GAS2: variants seen among roughly 807,000 people sequenced by gnomAD.
GAS2 encodes the protein growth arrest-specific protein 2.
Under a neutral mutation model 37.5 loss-of-function variants are expected in GAS2, and 20 were observed. That is an observed-to-expected ratio of 0.53 (90% CI 0.37 to 0.77). GAS2 has a LOEUF of 0.77. Ranked by LOEUF, GAS2 falls within the 30% of genes least tolerant of loss-of-function variation. The pLI is 0.00. For missense variants in GAS2, 336 were observed against 373.4 expected (o/e 0.90, Z 0.82); for synonymous variants, 144 against 132.2 (o/e 1.09, Z -0.61).
chr11:22,636,543 A>G (rs921836006), intron 1 of GAS2, among the ~76,000 whole-genome samples: 8 of 152,140 alleles, frequency 5.3e-5, no homozygotes, highest in African/African-American at 1.7e-4. Context: ...AATCATGTTA[A>G]TTCAATCCCC....
At chr11:22,733,261 T>C (rs889807080) in intron 4 of GAS2, among the ~76,000 whole-genome samples, 8 of 151,760 alleles carry the variant, frequency 5.3e-5, no homozygotes, top group African/African-American at 1.9e-4. Context: ...TCTTCTACTA[T>C]ACCACTCTCC....
At position 22,626,931 on chromosome 11, in the gene GAS2, G is replaced by T. The variant is rs560247465; in HGVS notation, c.-21+1118G>T. On this transcript the variant is annotated intron_variant, in intron 1 of 5. Transcript: ENST00000528582. Reference sequence around the variant, plus strand: ...ATTTATTTATTTATTTTGAAACGGAGTCTCATTCTGTCGCCCAGGCGCGGC... The same window carrying T: ...ATTTATTTATTTATTTTGAAACGGATTCTCATTCTGTCGCCCAGGCGCGGC... 3.3e-5 allele frequency: 5 copies of T among 152,294 alleles called. No homozygotes were observed. The East Asian group carries it at 9.6e-4, about 29-fold the overall frequency. 9.4% of individuals were successfully genotyped at this position (152,294 alleles called of 1,614,324 possible).
At chr11:22,704,329 T>A (rs1445621972) in intron 3 of GAS2, among the ~76,000 whole-genome samples, 1 of 151,884 alleles carries the variant, frequency 6.6e-6, no homozygotes, top group African/African-American at 2.4e-5. Flanking sequence ...TATTTCAATA[T>A]TAAAAATCAA....
At chr11:22,628,975 T>C (rs1858705045) in intron 1 of GAS2, among the ~76,000 whole-genome samples, 1 of 151,024 alleles carries the variant, frequency 6.6e-6, no homozygotes. Flanking sequence ...TCATTCTTTT[T>C]ATGGCTGAGT....
chr11:22,746,011 CA>C (rs1255175817), intron 5 of GAS2, among the ~76,000 whole-genome samples: 1 of 151,834 alleles, frequency 6.6e-6, no homozygotes, highest in Non-Finnish European at 1.5e-5. Context: ...TCCACCTTTA[CA>C]AAAAAATACA....
At chr11:22,654,951 A>G (rs1315764043) in intron 1 of GAS2, among the ~76,000 whole-genome samples, 3 of 152,162 alleles carry the variant, frequency 2.0e-5, no homozygotes, top group African/African-American at 4.8e-5. Flanking sequence ...GCGATGCTTA[A>G]ACCTGAATTA....
chr11:22,782,663 G>A (rs1268487393), intron 7 of GAS2, among the ~76,000 whole-genome samples: 3 of 147,660 alleles, frequency 2.0e-5, no homozygotes, highest in East Asian at 4.0e-4. Flanking sequence ...AATACAGTAC[G>A]TTGTTTTCTA....
At chr11:22,629,658 G>GTT (rs975397916) in intron 1 of GAS2, among the ~76,000 whole-genome samples, 26 of 150,786 alleles carry the variant, frequency 1.7e-4, no homozygotes, top group Admixed American at 1.6e-3. Context: ...GGGATTATTG[G>GTT]TTTTTTTTTC....
intron 1 of GAS2, among the ~76,000 whole-genome samples, chr11:22,650,223 C>T (rs1347935651): frequency 1.3e-4 from 20 of 150,258 alleles, no homozygotes; most frequent in South Asian, 1.3e-3. Flanking sequence ...TGTAGTTGAG[C>T]GGTTTTGAGT....
intron 7 of GAS2, among the ~76,000 whole-genome samples, chr11:22,793,763 G>C (rs1856294022): frequency 6.6e-6 from 1 of 152,192 alleles, no homozygotes; most frequent in Non-Finnish European, 1.5e-5. Flanking sequence ...TATGATGGTT[G>C]TGTTTTGTGA....
At chr11:22,661,377 GTAT>G (rs1466862351) in intron 1 of GAS2, among the ~76,000 whole-genome samples, 1 of 151,850 alleles carries the variant, frequency 6.6e-6, no homozygotes, top group Non-Finnish European at 1.5e-5. Flanking sequence ...CTTAGGCTTG[GTAT>G]TGTGATAAAG....
At chr11:22,765,152 G>A (rs1201489367) in intron 7 of GAS2, among the ~76,000 whole-genome samples, 5 of 152,134 alleles carry the variant, frequency 3.3e-5, no homozygotes, top group African/African-American at 1.2e-4. Context: ...TTCCATATAT[G>A]TGTATTTTAT....
intron 7 of GAS2, among the ~76,000 whole-genome samples, chr11:22,786,137 A>AT (rs1217565314): frequency 6.6e-6 from 1 of 152,248 alleles, no homozygotes; most frequent in East Asian, 1.9e-4. Context: ...ATAGCTTAAA[A>AT]TGTTCTTAAT....
intron 3 of GAS2, 52 bp downstream of exon 3, chr11:22,685,841 A>T: frequency 6.4e-7 from 1 of 1,559,664 alleles, no homozygotes; most frequent in Non-Finnish European, 8.7e-7. Flanking sequence ...TACATTTATA[A>T]TTGCTTATAA....
intron 3 of GAS2, among the ~76,000 whole-genome samples, chr11:22,705,149 C>T (rs542027097): frequency 6.6e-6 from 1 of 152,220 alleles, no homozygotes; most frequent in South Asian, 2.1e-4. Context: ...GCTCTATATG[C>T]ACTGTTCCTT....
chr11:22,627,273 T>C (rs533957588), intron 1 of GAS2, among the ~76,000 whole-genome samples: 1 of 152,368 alleles, frequency 6.6e-6, no homozygotes, highest in South Asian at 2.1e-4. Context: ...TATTTATTCT[T>C]ATATTTAACA....
At chr11:22,725,592 AT>A (rs796934544) in intron 3 of GAS2, among the ~76,000 whole-genome samples, 6 of 151,996 alleles carry the variant, frequency 3.9e-5, no homozygotes, top group African/African-American at 1.4e-4. Flanking sequence ...TACCTGGCTA[AT>A]TTTTACTTTT....
intron 5 of GAS2, among the ~76,000 whole-genome samples, chr11:22,742,133 C>T (rs116394211): frequency 0.014 from 2,096 of 151,968 alleles, 56 homozygotes; most frequent in African/African-American, 0.048. Flanking sequence ...AAAAATGAGA[C>T]AAAAATATGT....
intron 2 of GAS2, among the ~76,000 whole-genome samples, chr11:22,684,560 A>C (rs1251522434): frequency 6.6e-6 from 1 of 152,202 alleles, no homozygotes; most frequent in African/African-American, 2.4e-5. Flanking sequence ...AATAGGAAAC[A>C]AAAAAAGGAA....
Sources: gnomAD v4.1 joint callset for allele counts (sites outside exome capture counted in the v4.1 genomes callset) on GRCh38, gnomAD v4.1.1 for gene constraint, MANE v1.5 for transcripts, NCBI Gene and HGNC (gene_info 2026-07-23, HGNC 2026-07-21) for gene names.